SH3PXD2A: variants seen among roughly 807,000 people sequenced by gnomAD.
The protein encoded by SH3PXD2A is SH3 and PX domain-containing protein 2A.
Under a neutral mutation model 115.2 loss-of-function variants are expected in SH3PXD2A, and 32 were observed. The ratio of observed to expected loss-of-function variants is 0.28; its 90% CI spans 0.21 to 0.37. The LOEUF (loss-of-function observed/expected upper bound fraction) is 0.37. Ranked by LOEUF, SH3PXD2A falls within the 10% of genes least tolerant of loss-of-function variation. SH3PXD2A has a pLI of 1.00. For synonymous variants in SH3PXD2A, 610 were observed against 629.1 expected (o/e 0.97, Z 0.45); for missense variants, 1,328 against 1,498.7 (o/e 0.89, Z 1.88).
chr10:103,809,105 C>A (rs2039237811), intron 1 of SH3PXD2A, among the ~76,000 whole-genome samples: 1 of 152,222 alleles, frequency 6.6e-6, no homozygotes, highest in African/African-American at 2.4e-5. Flanking sequence ...GATGAGGACC[C>A]TCAGGGTAGG....
At chr10:103,655,788 A>G (rs1192809221) in intron 8 of SH3PXD2A, among the ~76,000 whole-genome samples, 2 of 151,412 alleles carry the variant, frequency 1.3e-5, no homozygotes, top group African/African-American at 4.8e-5. Context: ...AAAAAAAAAA[A>G]AAAAAAAAAG....
At chr10:103,634,364 T>C (rs1271646169) in intron 8 of SH3PXD2A, among the ~76,000 whole-genome samples, 3 of 152,252 alleles carry the variant, frequency 2.0e-5, no homozygotes, top group African/African-American at 7.2e-5. Context: ...CATTGACAGC[T>C]GAACACTGAG....
intron 8 of SH3PXD2A, among the ~76,000 whole-genome samples, chr10:103,639,103 T>C (rs1236964522): frequency 1.3e-5 from 2 of 152,168 alleles, no homozygotes; most frequent in Non-Finnish European, 1.5e-5. Context: ...ACGAGACTGC[T>C]TGTGCTGGGT....
At chr10:103,832,245 C>A (rs2039489064) in intron 1 of SH3PXD2A, among the ~76,000 whole-genome samples, 1 of 152,034 alleles carries the variant, frequency 6.6e-6, no homozygotes, top group African/African-American at 2.4e-5. Context: ...GACTGATAAA[C>A]CAATTTGTCT....
chr10:103,610,081 C>G (rs934489392), intron 13 of SH3PXD2A: 4 of 152,344 alleles, frequency 2.6e-5, no homozygotes, highest in Admixed American at 6.5e-5. Context: ...TTCTTCCCAG[C>G]CTTCCTCATC....
intron 1 of SH3PXD2A, among the ~76,000 whole-genome samples, chr10:103,807,725 T>A (rs1349879070): frequency 6.6e-6 from 1 of 152,208 alleles, no homozygotes; most frequent in African/African-American, 2.4e-5. Context: ...CTCTCTAGGG[T>A]CCTTGAGGTC....
At chr10:103,662,350 G>GGT (rs2037320617) in intron 7 of SH3PXD2A, among the ~76,000 whole-genome samples, 1 of 80,384 alleles carries the variant, frequency 1.2e-5, no homozygotes, top group African/African-American at 5.5e-5. Flanking sequence ...GCGGGGGGGG[G>GGT]GGCGGGGGGG....
intron 8 of SH3PXD2A, among the ~76,000 whole-genome samples, chr10:103,641,037 A>T (rs2036948017): frequency 6.6e-6 from 1 of 152,196 alleles, no homozygotes; most frequent in Non-Finnish European, 1.5e-5. Flanking sequence ...GAGGACAGAG[A>T]CACAGTACTG....
At chr10:103,617,681 G>A (rs774703297) in intron 10 of SH3PXD2A, among the ~76,000 whole-genome samples, 1 of 152,188 alleles carries the variant, frequency 6.6e-6, no homozygotes, top group Non-Finnish European at 1.5e-5. Context: ...AGGAGAAGCC[G>A]GCCCCTCATG....
In SH3PXD2A at chr10:103,602,181, G is replaced by T. The variant is rs1030401662; in HGVS notation, c.3037C>A (p.Arg1013=). 2 of 1,575,028 alleles carry T rather than the reference G, an allele frequency of 1.3e-6. No homozygotes were observed. Among genetic ancestry groups the T allele is most frequent in the East Asian group, 2.2e-5 (1 of 44,474 alleles). The change falls in exon 15 of 15, where the codon CGA becomes AGA. Residue 1013 remains arginine (R), a synonymous_variant. Coordinates refer to ENST00000369774, the MANE Select transcript of SH3PXD2A (RefSeq NM_001394015.1). ...LTATDGLRGV[R]RNSSFSTARS... is the part of the protein sequence containing the mutation. ...GCAGTGCTAAAGGAGGAGTTCCGTC[G>T]GACGCCTCGGAGGCCATCAGTGGCC...
chr10:103,725,432 T>C (rs2038228926), intron 4 of SH3PXD2A, among the ~76,000 whole-genome samples: 1 of 152,002 alleles, frequency 6.6e-6, no homozygotes, highest in Non-Finnish European at 1.5e-5. Flanking sequence ...GGGCATTCTA[T>C]GGGAAACAGT....
At chr10:103,821,168 A>C (rs1431583588) in intron 1 of SH3PXD2A, among the ~76,000 whole-genome samples, 2 of 133,198 alleles carry the variant, frequency 1.5e-5, no homozygotes, top group Non-Finnish European at 3.1e-5. Flanking sequence ...TTTTTGAGAC[A>C]GTCTTGCTCT....
At chr10:103,728,187 C>T (rs1460848080) in intron 4 of SH3PXD2A, among the ~76,000 whole-genome samples, 1 of 152,214 alleles carries the variant, frequency 6.6e-6, no homozygotes, top group Admixed American at 6.5e-5. Flanking sequence ...CTGGCTCTGC[C>T]ATTTATGGGC....
At chr10:103,646,978 A>C (rs896863875) in intron 8 of SH3PXD2A, among the ~76,000 whole-genome samples, 1 of 139,932 alleles carries the variant, frequency 7.1e-6, no homozygotes, top group African/African-American at 2.7e-5. Context: ...CCCAGCCTCC[A>C]TGGGGTCCTC....
In SH3PXD2A at chr10:103,634,325, A is replaced by G. The variant is rs143069409; in HGVS notation, c.605-7123T>C. ...TGGACATGATATGCACATAGCACCG[A>G]GGCCGTGTCTGCACATGTGTGTATC... On this transcript the variant is annotated intron_variant, in intron 8 of 14. Transcript: ENST00000369774. Among the ~76,000 whole-genome samples the G allele has an allele frequency of 3.0e-4, 45 of 152,392 alleles. No individual in the cohort carries two copies. The East Asian group carries it at 6.7e-3, about 23-fold the overall frequency.
intron 8 of SH3PXD2A, among the ~76,000 whole-genome samples, chr10:103,647,538 G>A (rs1039863162): frequency 2.0e-5 from 3 of 152,198 alleles, no homozygotes; most frequent in Non-Finnish European, 4.4e-5. Flanking sequence ...AAGGAGGCAA[G>A]TTTGTGTCTG....
At chr10:103,846,750 C>A (rs913746541) in intron 1 of SH3PXD2A, among the ~76,000 whole-genome samples, 1 of 152,182 alleles carries the variant, frequency 6.6e-6, no homozygotes, top group Non-Finnish European at 1.5e-5. Context: ...AGGAGCCAAC[C>A]AACTAGGCCT....
At chr10:103,739,338 G>A (rs1473824629) in intron 3 of SH3PXD2A, among the ~76,000 whole-genome samples, 1 of 152,234 alleles carries the variant, frequency 6.6e-6, no homozygotes, top group Non-Finnish European at 1.5e-5. Flanking sequence ...TTCTGCACAA[G>A]CCAATTCCCA....
At chr10:103,789,267 G>T (rs1338642851) in intron 2 of SH3PXD2A, among the ~76,000 whole-genome samples, 1 of 152,196 alleles carries the variant, frequency 6.6e-6, no homozygotes. Context: ...ACAGCATGCA[G>T]GCATGATGCA....
Sources: allele counts gnomAD v4.1 joint callset (sites outside exome capture counted in the v4.1 genomes callset), GRCh38; gene constraint gnomAD v4.1.1; transcripts MANE v1.5; gene names NCBI Gene and HGNC (gene_info 2026-07-23, HGNC 2026-07-21).